Variants in R3HDM2 observed in about 807,000 individuals in gnomAD.
The protein encoded by R3HDM2 is R3H domain containing 2, also known as R3H domain-containing protein 2.
A neutral mutation model predicts 124.5 loss-of-function variants in R3HDM2; 38 were observed. That is an observed-to-expected ratio of 0.31 (90% confidence interval 0.24 to 0.40). The LOEUF (loss-of-function observed/expected upper bound fraction) is 0.40, where lower values mean the gene tolerates loss of function less well. Ranked by LOEUF, R3HDM2 falls within the 10% of genes least tolerant of loss-of-function variation. R3HDM2 has a pLI of 1.00. For missense variants in R3HDM2, 869 were observed against 1,236.9 expected (o/e 0.70, Z 4.46); for synonymous variants, 391 against 448.0 (o/e 0.87, Z 1.61).
chr12:57,413,373 C>T (rs2069188777), intron 1 of R3HDM2, among the ~76,000 whole-genome samples: 1 of 148,700 alleles, frequency 6.7e-6, no homozygotes, highest in Admixed American at 6.8e-5. Flanking sequence ...GTGGGAGAAT[C>T]GCTTGAGCCC....
In R3HDM2 at chr12:57,254,841, G is replaced by T; in HGVS notation, c.2905C>A (p.Arg969Ser). ...TTTTTGGCCATTCGAAGTTTGAAGCGACTCACGGAGTTGTTGAGACGAAGG... is the reference window on the plus strand; with the variant it reads ...TTTTTGGCCATTCGAAGTTTGAAGCTACTCACGGAGTTGTTGAGACGAAGG... ...ASLRLNNSVS[R>S]FKLRMAKKNY... is the part of the protein sequence containing the mutation. The change falls in exon 24 of 24, where the codon CGC becomes AGC. Residue 969 changes from arginine (R) to serine (S), a missense_variant. Physicochemically the swap from Arg to Ser is moderately radical, Grantham distance 110. Around this residue, in one of 2 missense-constraint regions of R3HDM2, gnomAD observed 602 missense variants for 789.2 expected, o/e 0.76. Coordinates refer to ENST00000402412, the MANE Select transcript of R3HDM2 (RefSeq NM_001394031.1). 6.2e-7 allele frequency: 1 copy of T among 1,612,672 alleles called. No individual in the cohort carries two copies. Among genetic ancestry groups the T allele is most frequent in the South Asian group, 1.1e-5 (1 of 90,956 alleles).
intron 2 of R3HDM2, among the ~76,000 whole-genome samples, chr12:57,370,887 T>G (rs770425936): frequency 3.9e-5 from 6 of 151,914 alleles, no homozygotes; most frequent in Admixed American, 6.6e-5. Context: ...AAATATGGGA[T>G]TTATGCAACC....
intron 2 of R3HDM2, among the ~76,000 whole-genome samples, chr12:57,357,864 A>T (rs946202863): frequency 6.6e-6 from 1 of 151,804 alleles, no homozygotes; most frequent in African/African-American, 2.4e-5. Context: ...TCCCATTTTC[A>T]TTCTGTTAAC....
At chr12:57,288,015 CTTT>C (rs35488015) in intron 12 of R3HDM2, among the ~76,000 whole-genome samples, 22 of 129,468 alleles carry the variant, frequency 1.7e-4, no homozygotes, top group Admixed American at 4.0e-4. Flanking sequence ...TCCCTTAGGT[CTTT>C]TTTTTTTTTT....
At chr12:57,328,355 C>G (rs181978394) in intron 2 of R3HDM2, among the ~76,000 whole-genome samples, 2 of 152,052 alleles carry the variant, frequency 1.3e-5, no homozygotes, top group South Asian at 4.1e-4. Flanking sequence ...AGCCACCATG[C>G]CTGGCCAGTT....
chr12:57,383,975 C>T (rs2065293335), intron 2 of R3HDM2, among the ~76,000 whole-genome samples: 1 of 152,102 alleles, frequency 6.6e-6, no homozygotes, highest in Admixed American at 6.6e-5. Context: ...ATGCAGGGAG[C>T]AGGTATCTAG....
chr12:57,307,978 G>C (rs1452290898), intron 3 of R3HDM2, among the ~76,000 whole-genome samples: 1 of 151,922 alleles, frequency 6.6e-6, no homozygotes, highest in Non-Finnish European at 1.5e-5. Context: ...AGCAGCAAAA[G>C]GAGTCAAGTC....
chr12:57,414,861 G>A (rs2069414457), intron 1 of R3HDM2, among the ~76,000 whole-genome samples: 2 of 151,884 alleles, frequency 1.3e-5, no homozygotes, highest in Admixed American at 1.3e-4. Flanking sequence ...AGAAAAGAAT[G>A]AGAAGCAATT....
intron 2 of R3HDM2, among the ~76,000 whole-genome samples, chr12:57,383,878 C>T (rs2065277533): frequency 6.6e-6 from 1 of 151,988 alleles, no homozygotes; most frequent in Admixed American, 6.6e-5. Flanking sequence ...ATCTAATATT[C>T]CTGTTCCAAA....
chr12:57,341,560 T>G (rs1013929740), intron 2 of R3HDM2: 16 of 252,476 alleles, frequency 6.3e-5, no homozygotes, highest in Non-Finnish European at 9.4e-5. Flanking sequence ...TAATACAAAA[T>G]AAGAATAAAT....
intron 19 of R3HDM2, 92 bp from the exon 20 acceptor site, chr12:57,259,151 A>G: frequency 7.4e-7 from 1 of 1,356,730 alleles, no homozygotes; most frequent in South Asian, 1.3e-5. Flanking sequence ...AAATAAATCC[A>G]CCCATTGCCT....
chr12:57,305,756 C>A, intron 3 of R3HDM2: 1 of 397,000 alleles, frequency 2.5e-6, no homozygotes, highest in South Asian at 1.3e-4. Flanking sequence ...ACAGCAGAAG[C>A]GTCTGACTCA....
chr12:57,293,385 G>T (rs936209742), intron 10 of R3HDM2, among the ~76,000 whole-genome samples: 1 of 152,062 alleles, frequency 6.6e-6, no homozygotes, highest in African/African-American at 2.4e-5. Flanking sequence ...AGGAAGAGAA[G>T]TAAGGTACAG....
intron 14 of R3HDM2, among the ~76,000 whole-genome samples, chr12:57,277,673 T>G (rs546102335): frequency 6.6e-6 from 1 of 152,266 alleles, no homozygotes; most frequent in Non-Finnish European, 1.5e-5. Context: ...GTCTCAAACT[T>G]CTGGCTTCAA....
At chr12:57,295,044 T>A (rs1160592988) in intron 10 of R3HDM2, among the ~76,000 whole-genome samples, 21 of 151,964 alleles carry the variant, frequency 1.4e-4, no homozygotes, top group African/African-American at 5.1e-4. Flanking sequence ...TCCCTAACTA[T>A]TAAAGGAAAA....
At chr12:57,409,217 A>G (rs529756651) in intron 1 of R3HDM2, among the ~76,000 whole-genome samples, 1 of 152,268 alleles carries the variant, frequency 6.6e-6, no homozygotes, top group South Asian at 2.1e-4. Context: ...GGAAAAATAC[A>G]ATATTCTTCC....
chr12:57,287,137 C>T (rs775427072), intron 12 of R3HDM2, among the ~76,000 whole-genome samples: 9 of 152,154 alleles, frequency 5.9e-5, no homozygotes, highest in Non-Finnish European at 1.0e-4. Context: ...TTCTATTAGC[C>T]ATGTAAACTT....
At chr12:57,258,754 C>G (rs1464373430) in intron 20 of R3HDM2, 136 bp downstream of exon 20, 2 of 803,254 alleles carry the variant, frequency 2.5e-6, no homozygotes, top group African/African-American at 3.6e-5. Flanking sequence ...AGGATGCTGT[C>G]TACTTCCTGT....
At chr12:57,313,027 C>A (rs1353297777) in intron 2 of R3HDM2, among the ~76,000 whole-genome samples, 2 of 150,238 alleles carry the variant, frequency 1.3e-5, no homozygotes, top group African/African-American at 4.9e-5. Context: ...TGACTACAAA[C>A]TTCCATTTTA....
Sources: gnomAD v4.1 joint callset for allele counts (sites outside exome capture counted in the v4.1 genomes callset) on GRCh38, gnomAD v4.1.1 for gene constraint, gnomAD v4.1.1 regional missense constraint, MANE v1.5 for transcripts, NCBI Gene and HGNC (gene_info 2026-07-23, HGNC 2026-07-21) for gene names.